SLC6A19: variants seen among roughly 807,000 people sequenced by gnomAD.
SLC6A19 encodes the protein sodium-dependent neutral amino acid transporter B(0)AT1.
SLC6A19 carries 67 observed loss-of-function variants against 68.3 expected under a neutral mutation model. The observed-to-expected ratio is 0.98, with a 90% CI of 0.81 to 1.20. SLC6A19 has a LOEUF of 1.20. SLC6A19 is among the 50% of genes most tolerant of loss of function. The pLI, the probability that SLC6A19 is intolerant of heterozygous loss-of-function variation, is 0.00. For missense variants in SLC6A19, 813 were observed against 851.6 expected (o/e 0.95, Z 0.56); for synonymous variants, 392 against 374.9 (o/e 1.05, Z -0.53).
At chr5:1,205,436 C>G (rs1745826717) in intron 1 of SLC6A19, among the ~76,000 whole-genome samples, 1 of 152,220 alleles carries the variant, frequency 6.6e-6, no homozygotes, top group South Asian at 2.1e-4. Context: ...GTGTGCCCCC[C>G]ACCCCCAGTC....
At chr5:1,221,555 G>C (rs1579519210) in intron 11 of SLC6A19, 146 bp from the exon 12 acceptor site, 2 of 1,122,766 alleles carry the variant, frequency 1.8e-6, no homozygotes, top group East Asian at 5.1e-5. Context: ...TGGGAGGTAG[G>C]GGAAAGGGGA....
Position 1,214,969 on chromosome 5 carries a change from G to T in SLC6A19, c.887+904G>T, listed in dbSNP as rs954852025. On this transcript the variant is annotated intron_variant, in intron 6 of 11. Coordinates refer to ENST00000304460, the MANE Select transcript of SLC6A19 (RefSeq NM_001003841.3). The surrounding 1 kb of genome is among the most constrained non-coding windows in gnomAD (Gnocchi z 7.4). Reference sequence around the variant, plus strand: ...GAGCCCAGGCAGGGAGGGCTGGGGTGCAGAGGGAGATGTGCTTGGAGGCAC... The same window carrying T: ...GAGCCCAGGCAGGGAGGGCTGGGGTTCAGAGGGAGATGTGCTTGGAGGCAC... Among the ~76,000 whole-genome samples the T allele has an allele frequency of 1.3e-5, 2 of 152,074 alleles. No individual in the cohort carries two copies. Among genetic ancestry groups the T allele is most frequent in the Non-Finnish European group, 2.9e-5 (2 of 67,982 alleles).
chr5:1,222,139 G>A lies in SLC6A19; in HGVS notation c.*235G>A. On this transcript the variant is annotated 3_prime_UTR_variant, in exon 12 of 12. Transcript: ENST00000304460. ...TGTATGCACACATATACATGTGTGT[G>A]GGTGTGTGTATTGTATGTGCATGTG... The A allele has an allele frequency of 1.7e-6, 1 of 605,360 alleles. No individual in the cohort carries two copies. 37.5% of individuals were successfully genotyped at this position (605,360 alleles called of 1,614,324 possible).
Position 1,201,826 on chromosome 5 carries a change from C to T in SLC6A19, c.176C>T (p.Pro59Leu), listed in dbSNP as rs1434150965. The T allele has an allele frequency of 5.0e-6, 8 of 1,611,944 alleles. No homozygotes were observed. The highest frequency in any genetic ancestry group is 6.8e-6 in the Non-Finnish European group (8 of 1,179,836). Residue 59 changes from proline (P) to leucine (L), a missense_variant, in exon 1 of 12, where the codon CCC becomes CTC. Pro to Leu is a moderately conservative substitution (Grantham distance 98). Coordinates refer to ENST00000304460, the MANE Select transcript of SLC6A19 (RefSeq NM_001003841.3). ...GGCCTCGGCAACGTGTGGCGCTTCCCCTACCTGTGTCAGAGCCACGGAGGA... is the reference window on the plus strand; with the variant it reads ...GGCCTCGGCAACGTGTGGCGCTTCCTCTACCTGTGTCAGAGCCACGGAGGA... ...CVGLGNVWRFPYLCQSHGGGA... is the reference protein window; with the variant it reads ...CVGLGNVWRFLYLCQSHGGGA...
Position 1,201,718 on chromosome 5 carries a change from C to T in SLC6A19, c.68C>T (p.Thr23Ile). 2.5e-6 allele frequency: 4 copies of T among 1,612,376 alleles called. No individual in the cohort carries two copies. In the South Asian group the frequency reaches 3.3e-5, roughly 13 times the overall value. The change falls in exon 1 of 12, where the codon ACC becomes ATC. Residue 23 changes from threonine (T) to isoleucine (I), a missense_variant. Coordinates refer to ENST00000304460, the MANE Select transcript of SLC6A19 (RefSeq NM_001003841.3). Reference protein sequence around the residue: ...ARIPSLAELETIEQEEASSRP... With the variant: ...ARIPSLAELEIIEQEEASSRP... ...ATCCCGTCCCTGGCTGAGCTGGAGA[C>T]CATCGAGCAGGAGGAGGCCAGCTCC...
intron 1 of SLC6A19, among the ~76,000 whole-genome samples, chr5:1,206,294 T>C (rs543935651): frequency 7.2e-6 from 1 of 139,626 alleles, no homozygotes; most frequent in African/African-American, 3.4e-5. Context: ...CTCTCTCTGT[T>C]TCTGTCTGTG....
chr5:1,207,032 G>A (rs560332265), intron 1 of SLC6A19, among the ~76,000 whole-genome samples: 35 of 152,344 alleles, frequency 2.3e-4, no homozygotes, highest in South Asian at 6.2e-4. Flanking sequence ...CAGGCGCGAC[G>A]GGAGCTGCTT....
chr5:1,205,147 C>G (rs1745818857), intron 1 of SLC6A19, among the ~76,000 whole-genome samples: 1 of 152,212 alleles, frequency 6.6e-6, no homozygotes, highest in South Asian at 2.1e-4. Flanking sequence ...TTTCCAGGGA[C>G]CTTTGCAACC....
chr5:1,207,205 C>T (rs950084128), intron 1 of SLC6A19, among the ~76,000 whole-genome samples: 3 of 152,244 alleles, frequency 2.0e-5, no homozygotes, highest in Non-Finnish European at 4.4e-5. Context: ...GTCCACGCTG[C>T]CCTGGCCGGA....
intron 1 of SLC6A19, among the ~76,000 whole-genome samples, chr5:1,203,140 TG>T (rs1745761973): frequency 1.3e-5 from 2 of 150,788 alleles, no homozygotes; most frequent in African/African-American, 4.9e-5. Flanking sequence ...ACATCCCCAC[TG>T]GGGATGGAGG....
rs1385581555 is a variant in SLC6A19 at position 1,215,784 on chromosome 5, C to T, written c.888-774C>T. Among the ~76,000 whole-genome samples, 2 of 152,216 alleles carry T rather than the reference C, an allele frequency of 1.3e-5. No homozygotes were observed. The highest frequency in any genetic ancestry group is 2.1e-4 in the South Asian group (1 of 4,836). On this transcript the variant is annotated intron_variant, in intron 6 of 11. Transcript: ENST00000304460. The surrounding 1 kb of genome is among the most constrained non-coding windows in gnomAD (Gnocchi z 5.1). ...AGTTGCTGCGTCATGCTGGCCTCTA[C>T]ATGCAGTCCTTCGAGGAGCTGTCAG...
At chr5:1,220,888 G>C (rs1302544780) in intron 10 of SLC6A19, among the ~76,000 whole-genome samples, 1 of 152,182 alleles carries the variant, frequency 6.6e-6, no homozygotes. Flanking sequence ...TCAGACGTGG[G>C]TGAGGGCGGG....
Position 1,221,852 on chromosome 5 carries a change from G to A in SLC6A19, c.1853G>A (p.Gly618Glu), listed in dbSNP as rs1002985056. The change falls in exon 12 of 12, where the codon GGG (glycine) becomes GAG (glutamate). Residue 618 changes from glycine (G) to glutamate (E), a missense_variant. Coordinates refer to ENST00000304460, the MANE Select transcript of SLC6A19 (RefSeq NM_001003841.3). ...NHCQKPGDHQ[G>E]LVSTLSTASM... is the part of the protein sequence containing the mutation. ...TGCCAGAAGCCAGGGGACCATCAGG[G>A]GCTGGTGAGCACACTGTCCACAGCC... 6.2e-7 allele frequency: 1 copy of A among 1,614,172 alleles called. No homozygotes were observed. Among genetic ancestry groups the A allele is most frequent in the South Asian group, 1.1e-5 (1 of 91,090 alleles).
rs1422699879 is a variant in SLC6A19 at position 1,212,172 on chromosome 5, G to A, written c.482-131G>A. On this transcript the variant is annotated intron_variant, in intron 3 of 11. Coordinates refer to ENST00000304460, the MANE Select transcript of SLC6A19 (RefSeq NM_001003841.3). This position sits in a 1 kb window ranked among gnomAD's most constrained non-coding sequence, Gnocchi z 5.1. ...CGTGAGCATGTGTGCCTGTGTTCAT[G>A]TGCACGTGTGGGCGTGTCACTGGTG... 4 of 1,056,566 alleles carry A rather than the reference G, an allele frequency of 3.8e-6. No individual in the cohort carries two copies. The highest frequency in any genetic ancestry group is 5.7e-6 in the Non-Finnish European group (4 of 699,848). The allele number at this position is 1,056,566 out of a possible 1,614,324, so 65.4% of individuals were successfully genotyped here.
At chr5:1,211,108 G>A (rs539643493) in intron 3 of SLC6A19, among the ~76,000 whole-genome samples, 33 of 152,318 alleles carry the variant, frequency 2.2e-4, no homozygotes, top group African/African-American at 7.2e-4. Context: ...GGGCCTGAAC[G>A]GCTTGGTCAC....
Position 1,218,965 on chromosome 5 carries a change from G to T in SLC6A19, c.1236G>T (p.Leu412Phe). ...VFTEAITKMP[L>F]SPLWSVLFFI... ...CCGAGGCCATCACCAAGATGCCGTT[G>T]TCCCCACTGTGGTCTGTGCTCTTCT... Residue 412 changes from leucine to phenylalanine, a missense_variant, in exon 9 of 12, where the codon TTG becomes TTT. Transcript: ENST00000304460. 1 of 1,614,082 alleles carries T rather than the reference G, an allele frequency of 6.2e-7. No individual in the cohort carries two copies. Among genetic ancestry groups the T allele is most frequent in the Non-Finnish European group, 8.5e-7 (1 of 1,180,024 alleles).
At chr5:1,219,446 G>C (rs966709022) in intron 9 of SLC6A19, 59 bp from the exon 10 acceptor site, 1 of 1,599,756 alleles carries the variant, frequency 6.3e-7, no homozygotes, top group African/African-American at 1.3e-5. Context: ...GAACAGCTCT[G>C]TCCCTGGCCG....
At chr5:1,213,824 C>G (rs1452014440) in intron 5 of SLC6A19, 129 bp from the exon 6 acceptor site, 1 of 1,470,230 alleles carries the variant, frequency 6.8e-7, no homozygotes, top group East Asian at 2.3e-5. Context: ...GCTGCCACCC[C>G]AGGGGGCCCT....
In SLC6A19 at chr5:1,216,470, G is replaced by A. The variant is rs143326188; in HGVS notation, c.888-88G>A. 3,559 of 1,594,276 alleles carry A rather than the reference G, an allele frequency of 2.2e-3. 70 individuals are homozygous for A. The African/African-American group carries it at 0.041, about 19-fold the overall frequency. On this transcript the variant is annotated intron_variant, in intron 6 of 11. Transcript: ENST00000304460. Reference sequence around the variant, plus strand: ...TCAGCCTCTCACTCCTGGGGCTGGCGCTCTGGGCGGGATGCGGATGCTGCC... The same window carrying A: ...TCAGCCTCTCACTCCTGGGGCTGGCACTCTGGGCGGGATGCGGATGCTGCC...
Sources: gnomAD v4.1 joint callset for allele counts (sites outside exome capture counted in the v4.1 genomes callset) on GRCh38, gnomAD v4.1.1 for gene constraint, Gnocchi (gnomAD v3.1) non-coding constraint, MANE v1.5 for transcripts, NCBI Gene and HGNC (gene_info 2026-07-23, HGNC 2026-07-21) for gene names.